The following COL19A1 variants were observed in gnomAD, a reference collection of about 807,000 sequenced individuals.
COL19A1 encodes the protein collagen alpha-1(XIX) chain.
Under a neutral mutation model 190.2 loss-of-function variants are expected in COL19A1, and 159 were observed. The ratio of observed to expected loss-of-function variants is 0.84; its 90% confidence interval spans 0.73 to 0.95. The LOEUF (loss-of-function observed/expected upper bound fraction) is 0.95, where lower values mean the gene tolerates loss of function less well. Among genes scored for constraint, COL19A1 ranks in the 40% least tolerant of loss-of-function variants. The pLI, the probability that COL19A1 is intolerant of heterozygous loss-of-function variation, is 0.00. For synonymous variants in COL19A1, 509 were observed against 458.9 expected (o/e 1.11, Z -1.39); for missense variants, 1,418 against 1,431.9 (o/e 0.99, Z 0.16).
chr6:70,018,822 C>G (rs1248792244), intron 11 of COL19A1, among the ~76,000 whole-genome samples: 2 of 152,138 alleles, frequency 1.3e-5, no homozygotes, highest in Non-Finnish European at 2.9e-5. Flanking sequence ...AATTATCCCT[C>G]TGTAGAACAG....
chr6:70,066,759 T>C (rs568909943), intron 14 of COL19A1, among the ~76,000 whole-genome samples: 28 of 152,216 alleles, frequency 1.8e-4, no homozygotes, highest in African/African-American at 6.5e-4. Flanking sequence ...AAATGAATGT[T>C]AATTATTTTT....
chr6:70,095,243 G>A (rs974881319), intron 15 of COL19A1, among the ~76,000 whole-genome samples: 1 of 151,968 alleles, frequency 6.6e-6, no homozygotes, highest in Non-Finnish European at 1.5e-5. Context: ...CTTTTCCATT[G>A]TATGAATAAA....
At chr6:69,919,456 G>C (rs1771551951) in intron 4 of COL19A1, among the ~76,000 whole-genome samples, 1 of 152,008 alleles carries the variant, frequency 6.6e-6, no homozygotes, top group African/African-American at 2.4e-5. Context: ...TACAAATATA[G>C]AGTGATCAAA....
chr6:70,048,009 T>C (rs1416980282), intron 14 of COL19A1, among the ~76,000 whole-genome samples: 2 of 152,082 alleles, frequency 1.3e-5, no homozygotes, highest in Non-Finnish European at 2.9e-5. Context: ...TAAATACTCA[T>C]CCAGATGGCA....
intron 15 of COL19A1, among the ~76,000 whole-genome samples, chr6:70,095,783 G>A (rs1215078795): frequency 6.6e-6 from 1 of 152,046 alleles, no homozygotes; most frequent in Non-Finnish European, 1.5e-5. Flanking sequence ...TGGAATCATA[G>A]AGTATTTGGT....
chr6:69,955,733 C>A (rs1348696657), intron 9 of COL19A1, among the ~76,000 whole-genome samples: 1 of 151,934 alleles, frequency 6.6e-6, no homozygotes, highest in African/African-American at 2.4e-5. Context: ...TCCAAACTAT[C>A]ATTTGAAAAA....
At chr6:70,154,851 G>A (rs1460068910) in intron 31 of COL19A1, among the ~76,000 whole-genome samples, 2 of 152,142 alleles carry the variant, frequency 1.3e-5, no homozygotes, top group Non-Finnish European at 2.9e-5. Flanking sequence ...AAAGATGAAA[G>A]CCAGAAGACT....
intron 14 of COL19A1, among the ~76,000 whole-genome samples, chr6:70,066,411 G>A (rs569821513): frequency 2.2e-4 from 34 of 152,062 alleles, no homozygotes; most frequent in Admixed American, 8.5e-4. Flanking sequence ...AGAACACATG[G>A]ACACAGGAAG....
chr6:70,048,583 T>C (rs1487542520), intron 14 of COL19A1, among the ~76,000 whole-genome samples: 1 of 152,152 alleles, frequency 6.6e-6, no homozygotes, highest in Non-Finnish European at 1.5e-5. Context: ...ATAAAAAGTT[T>C]ACAAGTATTT....
At chr6:69,967,453 G>A (rs1413391672) in intron 11 of COL19A1, among the ~76,000 whole-genome samples, 1 of 152,204 alleles carries the variant, frequency 6.6e-6, no homozygotes, top group Non-Finnish European at 1.5e-5. Context: ...GGTTGAGCAA[G>A]TTCTTGCTTT....
chr6:70,010,123 T>G (rs1341174437), intron 11 of COL19A1, among the ~76,000 whole-genome samples: 1 of 152,058 alleles, frequency 6.6e-6, no homozygotes, highest in Non-Finnish European at 1.5e-5. Flanking sequence ...GCCAGGAGAA[T>G]AAAAAGACAA....
At chr6:70,066,712 C>T (rs899395985) in intron 14 of COL19A1, among the ~76,000 whole-genome samples, 4 of 151,668 alleles carry the variant, frequency 2.6e-5, no homozygotes, top group Admixed American at 6.6e-5. Context: ...TTAGTTTCAA[C>T]GTAGCCATCA....
At chr6:69,878,615 T>C (rs1768295336) in intron 1 of COL19A1, among the ~76,000 whole-genome samples, 1 of 152,192 alleles carries the variant, frequency 6.6e-6, no homozygotes, top group Non-Finnish European at 1.5e-5. Context: ...CGTGCAGCTG[T>C]TATAGAAAAC....
At chr6:70,076,366 T>A (rs193232837) in intron 15 of COL19A1, among the ~76,000 whole-genome samples, 101 of 152,328 alleles carry the variant, frequency 6.6e-4, no homozygotes, top group Non-Finnish European at 1.1e-3. Context: ...ATATTGAGAA[T>A]TTAACCAAAT....
At chr6:70,061,905 C>T (rs905716872) in intron 14 of COL19A1, among the ~76,000 whole-genome samples, 1 of 152,038 alleles carries the variant, frequency 6.6e-6, no homozygotes, top group Non-Finnish European at 1.5e-5. Flanking sequence ...ATTTGAATTT[C>T]AAAATTTGTT....
intron 4 of COL19A1, among the ~76,000 whole-genome samples, chr6:69,923,526 T>C (rs1772140554): frequency 6.6e-6 from 1 of 152,122 alleles, no homozygotes; most frequent in African/African-American, 2.4e-5. Flanking sequence ...TGGACATTAA[T>C]TGAAAATAAT....
At chr6:69,932,488 C>T (rs147799135) in intron 6 of COL19A1, among the ~76,000 whole-genome samples, 1 of 151,688 alleles carries the variant, frequency 6.6e-6, no homozygotes, top group Non-Finnish European at 1.5e-5. Flanking sequence ...AAAACAATAG[C>T]TTTTTTAAAA....
chr6:69,980,915 T>A (rs1775998172), intron 11 of COL19A1, among the ~76,000 whole-genome samples: 1 of 152,214 alleles, frequency 6.6e-6, no homozygotes, highest in African/African-American at 2.4e-5. Flanking sequence ...AGCTACAGTC[T>A]CTTTTAGAAA....
At chr6:70,065,757 T>A (rs1188413105) in intron 14 of COL19A1, among the ~76,000 whole-genome samples, 1 of 151,854 alleles carries the variant, frequency 6.6e-6, no homozygotes, top group Non-Finnish European at 1.5e-5. Context: ...CAAACAAATT[T>A]ACAAGAAAAA....
Sources: allele counts gnomAD v4.1 joint callset (sites outside exome capture counted in the v4.1 genomes callset), GRCh38; gene constraint gnomAD v4.1.1; transcripts MANE v1.5; gene names NCBI Gene and HGNC (gene_info 2026-07-23, HGNC 2026-07-21).